The following HDAC7 variants were observed in gnomAD, a reference collection of about 807,000 sequenced individuals.
HDAC7 encodes histone deacetylase 7A.
A neutral mutation model predicts 115.5 loss-of-function variants in HDAC7; 26 were observed. That is an observed-to-expected ratio of 0.23 (90% CI 0.16 to 0.31). The LOEUF is 0.31. Ranked by LOEUF, HDAC7 falls within the 10% of genes least tolerant of loss-of-function variation. The pLI is 1.00. For missense variants in HDAC7, 1,068 were observed against 1,329.0 expected (o/e 0.80, Z 3.05); for synonymous variants, 564 against 550.9 (o/e 1.02, Z -0.33).
rs537402001 is a variant in HDAC7, at chr12:47,796,381, C to G, written c.704-83G>C. ...AGCCAGGCCGCCTGGTGCAGGAGAC[C>G]CGGGAGCACCCCCTTCCTTAACGAG... On this transcript the variant is annotated intron_variant, in intron 7 of 25. Transcript: ENST00000080059. The G allele has an allele frequency of 6.5e-5, 58 of 892,322 alleles. No homozygotes were observed. The African/African-American group carries it at 9.4e-4, about 14-fold the overall frequency. 55.3% of individuals were successfully genotyped at this position (892,322 alleles called of 1,614,324 possible).
At chr12:47,790,275 G>A (rs989280362) in intron 16 of HDAC7, 3 of 277,424 alleles carry the variant, frequency 1.1e-5, no homozygotes, top group Non-Finnish European at 1.4e-5. Context: ...AGGCCCTGCG[G>A]GACGGTCGGA....
intron 1 of HDAC7, among the ~76,000 whole-genome samples, chr12:47,809,520 C>G (rs1437644169): frequency 6.6e-6 from 1 of 152,106 alleles, no homozygotes. Context: ...TGGCTATTAT[C>G]CTAGGCATTT....
intron 12 of HDAC7, among the ~76,000 whole-genome samples, chr12:47,794,165 GGAA>G (rs1166058404): frequency 6.6e-6 from 1 of 152,188 alleles, no homozygotes; most frequent in Admixed American, 6.5e-5. Context: ...TGAAGCCACA[GGAA>G]GAAGATGACC....
chr12:47,795,491 G>T lies in HDAC7; in HGVS notation c.1087+96C>A. On this transcript the variant is annotated intron_variant, in intron 10 of 25. Transcript: ENST00000080059. This position sits in a 1 kb window ranked among gnomAD's most constrained non-coding sequence, Gnocchi z 4.3. ...CAGCAGGGCAATGCGCAGGACAGGG[G>T]GACAGAGATGGGGAGGAAGGATGGG... 1 of 1,413,330 alleles carries T rather than the reference G, an allele frequency of 7.1e-7. No individual in the cohort carries two copies. Among genetic ancestry groups the T allele is most frequent in the Non-Finnish European group, 9.7e-7 (1 of 1,028,844 alleles). 87.5% of individuals were successfully genotyped at this position (1,413,330 alleles called of 1,614,324 possible).
chr12:47,791,630 G>C lies in HDAC7; in HGVS notation c.1889C>G (p.Thr630Ser). The C allele has an allele frequency of 6.2e-7, 1 of 1,611,782 alleles. No individual in the cohort carries two copies. Among genetic ancestry groups the C allele is most frequent in the Non-Finnish European group, 8.5e-7 (1 of 1,179,214 alleles). Reference protein sequence around the residue: ...HSERHVLLYGTNPLSRLKLDN... With the variant: ...HSERHVLLYGSNPLSRLKLDN... Reference sequence around the variant, plus strand: ...CAGTTTGAGGCGGCTGAGCGGGTTGGTGCCGTAGAGGAGCACGTGCCGCTC... The same window carrying C: ...CAGTTTGAGGCGGCTGAGCGGGTTGCTGCCGTAGAGGAGCACGTGCCGCTC... The change falls in exon 15 of 26, where the codon ACC becomes AGC. Residue 630 changes from threonine to serine, a missense_variant. This residue lies in a region of HDAC7 where 618 missense variants were observed against 701.5 expected (regional missense o/e 0.88). Transcript: ENST00000080059.
intron 1 of HDAC7, among the ~76,000 whole-genome samples, chr12:47,805,603 A>G (rs927971648): frequency 6.6e-6 from 1 of 152,230 alleles, no homozygotes; most frequent in Admixed American, 6.5e-5. Context: ...CTTCAGGAAG[A>G]TCCAAGAACA....
Position 47,803,424 on chromosome 12 carries a change from G to A in HDAC7, c.20-1150C>T, listed in dbSNP as rs34248545. 0.077 allele frequency among the ~76,000 whole-genome samples: 11,764 copies of A among 152,200 alleles called. 556 individuals are homozygous for A. The highest frequency in any genetic ancestry group is 0.13 in the African/African-American group (5,585 of 41,510). ...CTGCAGGCAGGCGCTGCTGGGGGAG[G>A]GGGCAGCCTGGGCACAGGGAGACTC... On this transcript the variant is annotated intron_variant, in intron 1 of 25. Coordinates refer to ENST00000080059, the MANE Select transcript of HDAC7 (RefSeq NM_015401.5). The surrounding 1 kb of genome is among the most constrained non-coding windows in gnomAD (Gnocchi z 4.0).
chr12:47,784,274 G>A (rs1241252489), intron 24 of HDAC7, 57 bp from the exon 25 acceptor site: 22 of 1,525,048 alleles, frequency 1.4e-5, no homozygotes, highest in Middle Eastern at 1.7e-4. Flanking sequence ...TCCACACTGC[G>A]TCCTAGACCG....
intron 24 of HDAC7, chr12:47,784,498 C>A (rs1341284751): frequency 3.3e-6 from 2 of 605,650 alleles, no homozygotes; most frequent in Non-Finnish European, 5.8e-6. Context: ...CCACCTTTGA[C>A]TCATTCCCCA....
intron 24 of HDAC7, 195 bp downstream of exon 24, chr12:47,785,191 CG>C (rs770205229): frequency 1.9e-5 from 11 of 581,056 alleles, no homozygotes; most frequent in East Asian, 3.0e-5. Context: ...CTGGCTCCAT[CG>C]GGGGGGCTCA....
At chr12:47,796,364 C>A in intron 7 of HDAC7, 66 bp from the exon 8 acceptor site, 1 of 1,240,068 alleles carries the variant, frequency 8.1e-7, no homozygotes, top group African/African-American at 1.5e-5. Flanking sequence ...ACAGCCAGGC[C>A]GCCTGGTGCA....
At chr12:47,810,248 T>C (rs550161546) in intron 1 of HDAC7, among the ~76,000 whole-genome samples, 1 of 152,324 alleles carries the variant, frequency 6.6e-6, no homozygotes, top group East Asian at 1.9e-4. Flanking sequence ...GCCCGGCCTA[T>C]ATACTGTTAT....
At chr12:47,789,483 C>T in intron 18 of HDAC7, 40 bp downstream of exon 18, 1 of 1,601,590 alleles carries the variant, frequency 6.2e-7, no homozygotes, top group East Asian at 2.2e-5. Flanking sequence ...TGGGGGCTTG[C>T]CCCCCACCTC....
At chr12:47,812,668 A>T in intron 1 of HDAC7, among the ~76,000 whole-genome samples, 1 of 152,254 alleles carries the variant, frequency 6.6e-6, no homozygotes, top group East Asian at 1.9e-4. Flanking sequence ...AGGCTTTGCC[A>T]TATATACAGT....
At chr12:47,789,205 T>A (rs908788352) in intron 19 of HDAC7, 56 bp downstream of exon 19, 8 of 1,327,132 alleles carry the variant, frequency 6.0e-6, no homozygotes, top group Admixed American at 1.7e-5. Context: ...AACATCAGGC[T>A]CAGGGCTTTT....
At chr12:47,806,172 A>G (rs919158897) in intron 1 of HDAC7, among the ~76,000 whole-genome samples, 13 of 152,250 alleles carry the variant, frequency 8.5e-5, no homozygotes, top group African/African-American at 3.1e-4. Context: ...AGAACCCAGC[A>G]GGGAGCTGAG....
At chr12:47,808,130 A>G (rs561219200) in intron 1 of HDAC7, among the ~76,000 whole-genome samples, 46 of 152,340 alleles carry the variant, frequency 3.0e-4, no homozygotes, top group African/African-American at 1.1e-3. Context: ...AAGGGTGGCA[A>G]CAGTGAGCAT....
chr12:47,819,773 C>T lies in HDAC7; in HGVS notation c.13G>A (p.Gly5Ser). 1 of 769,568 alleles carries T rather than the reference C, an allele frequency of 1.3e-6. No homozygotes were observed. The highest frequency in any genetic ancestry group is 1.6e-6 in the Non-Finnish European group (1 of 642,232). 47.7% of individuals were successfully genotyped at this position (769,568 alleles called of 1,614,324 possible). A position where few individuals can be genotyped will look rare whatever the true frequency, so the allele number is the denominator to read the frequency against. Reference protein sequence around the residue: MHSPGADGTQVSPGA... With the variant: MHSPSADGTQVSPGA... ...GCGGCCGCCCAGTACTCACCAGCGCCGGGGCTGTGCATCCAGGGGCCGGGG... is the reference window on the plus strand; with the variant it reads ...GCGGCCGCCCAGTACTCACCAGCGCTGGGGCTGTGCATCCAGGGGCCGGGG... Residue 5 changes from glycine (G) to serine (S), a missense_variant, in exon 1 of 26, where the codon GGC (glycine) becomes AGC (serine). By Grantham distance (56) the Gly-to-Ser change is moderately conservative. This residue lies in a region of HDAC7 where 161 missense variants were observed against 158.5 expected (regional missense o/e 1.02). Transcript: ENST00000080059.
At chr12:47,821,174 T>C (rs1945012902), upstream of HDAC7, among the ~76,000 whole-genome samples, 1 of 152,106 alleles carries the variant, frequency 6.6e-6, no homozygotes, top group Non-Finnish European at 1.5e-5. Context: ...AAGGAAAAAT[T>C]GAGGCAGCCC....
Sources: allele counts gnomAD v4.1 joint callset (sites outside exome capture counted in the v4.1 genomes callset), GRCh38; gene constraint gnomAD v4.1.1; regional missense constraint gnomAD v4.1.1; non-coding constraint Gnocchi (gnomAD v3.1); transcripts MANE v1.5; gene names NCBI Gene and HGNC (gene_info 2026-07-23, HGNC 2026-07-21).